WWC1: variants seen among roughly 807,000 people sequenced by gnomAD.
WWC1 encodes the protein protein KIBRA.
WWC1 carries 55 observed loss-of-function variants against 138.4 expected under a neutral mutation model. The ratio of observed to expected loss-of-function variants is 0.40; its 90% confidence interval spans 0.32 to 0.50. WWC1 has a LOEUF of 0.50. WWC1 is among the 20% of genes least tolerant of loss of function. WWC1 has a pLI of 0.72. For missense variants in WWC1, 1,226 were observed against 1,420.4 expected, an observed-to-expected ratio of 0.86 and a Z score of 2.20; for synonymous variants, 524 against 564.9, an observed-to-expected ratio of 0.93 and a Z score of 1.03.
At chr5:168,367,969 T>A (rs3083622) in intron 1 of WWC1, among the ~76,000 whole-genome samples, 13,395 of 142,266 alleles carry the variant, frequency 0.094, 621 homozygotes, top group Non-Finnish European at 0.11. Flanking sequence ...ACACACACAC[T>A]CTCTTCAGGC....
At chr5:168,293,726 A>T (rs772988277) in intron 1 of WWC1, among the ~76,000 whole-genome samples, 13 of 152,190 alleles carry the variant, frequency 8.5e-5, no homozygotes, top group Non-Finnish European at 1.6e-4. Flanking sequence ...GAATATTGGG[A>T]TGCTTAAAAC....
At chr5:168,434,779 A>C (rs1782228428) in intron 15 of WWC1, among the ~76,000 whole-genome samples, 2 of 152,340 alleles carry the variant, frequency 1.3e-5, no homozygotes, top group Non-Finnish European at 1.5e-5. Context: ...AATGCCCTGC[A>C]TGGCATCACA....
At chr5:168,345,914 G>A (rs972445397) in intron 1 of WWC1, among the ~76,000 whole-genome samples, 1 of 152,150 alleles carries the variant, frequency 6.6e-6, no homozygotes, top group Non-Finnish European at 1.5e-5. Context: ...GCTTCTACTT[G>A]TACAATCTGT....
intron 20 of WWC1, among the ~76,000 whole-genome samples, chr5:168,462,932 C>T (rs1428939570): frequency 2.0e-5 from 3 of 152,228 alleles, no homozygotes; most frequent in Admixed American, 2.0e-4. Context: ...TGATCCTGCT[C>T]ATTTATAAGT....
chr5:168,360,483 G>T (rs1775802173), intron 1 of WWC1, among the ~76,000 whole-genome samples: 1 of 152,206 alleles, frequency 6.6e-6, no homozygotes, highest in Admixed American at 6.5e-5. Context: ...GGAGCATATG[G>T]TCCTGTGCCT....
intron 5 of WWC1, among the ~76,000 whole-genome samples, chr5:168,401,189 A>G (rs546353093): frequency 6.6e-6 from 1 of 152,138 alleles, no homozygotes; most frequent in Non-Finnish European, 1.5e-5. Context: ...GTTGTTATTA[A>G]CTACAGCATG....
intron 9 of WWC1, among the ~76,000 whole-genome samples, chr5:168,420,394 G>C (rs942215063): frequency 1.3e-5 from 2 of 152,094 alleles, no homozygotes; most frequent in Non-Finnish European, 2.9e-5. Context: ...TACTGGATTA[G>C]AGTCTGCCCT....
At chr5:168,382,054 C>T (rs1777678043) in intron 2 of WWC1, among the ~76,000 whole-genome samples, 1 of 151,928 alleles carries the variant, frequency 6.6e-6, no homozygotes, top group African/African-American at 2.4e-5. Flanking sequence ...TTTTAAGAAC[C>T]CTTACTGCAG....
chr5:168,360,672 G>A (rs1022456979), intron 1 of WWC1, among the ~76,000 whole-genome samples: 3 of 152,354 alleles, frequency 2.0e-5, no homozygotes, highest in Admixed American at 1.3e-4. Flanking sequence ...TTGCCCAAGG[G>A]CATCGTCAGG....
chr5:168,464,408 G>C (rs911561608), intron 20 of WWC1, among the ~76,000 whole-genome samples: 61 of 152,270 alleles, frequency 4.0e-4, no homozygotes, highest in African/African-American at 1.5e-3. Flanking sequence ...TGGAGCTTCA[G>C]CTTTACCACA....
chr5:168,331,248 A>C (rs2152767012), intron 1 of WWC1, among the ~76,000 whole-genome samples: 1 of 152,348 alleles, frequency 6.6e-6, no homozygotes, highest in East Asian at 1.9e-4. Context: ...GCATTCAGCA[A>C]GATTCAAAAC....
intron 1 of WWC1, among the ~76,000 whole-genome samples, chr5:168,328,814 C>T (rs1435844980): frequency 6.6e-6 from 1 of 152,154 alleles, no homozygotes; most frequent in African/African-American, 2.4e-5. Context: ...AGATTACAGG[C>T]ATGAGCCACC....
intron 1 of WWC1, among the ~76,000 whole-genome samples, chr5:168,340,005 CTTTCTTTCT>C (rs955969563): frequency 5.2e-5 from 5 of 96,602 alleles, no homozygotes; most frequent in Non-Finnish European, 1.3e-4. Flanking sequence ...CTCTTTCTCT[CTTTCTTTCT>C]TTTCTTTCTT....
At chr5:168,411,412 C>G (rs1425950521) in intron 8 of WWC1, among the ~76,000 whole-genome samples, 1 of 152,186 alleles carries the variant, frequency 6.6e-6, no homozygotes, top group African/African-American at 2.4e-5. Flanking sequence ...TCTGCCAACT[C>G]TGTGTGAATA....
chr5:168,415,798 T>TGTGTGTGTGG (rs1354077983), intron 9 of WWC1: 1 of 6,350 alleles, frequency 1.6e-4, no homozygotes. Flanking sequence ...TGTGTGTGTG[T>TGTGTGTGTGG]GGGGGGGGGG....
intron 1 of WWC1, among the ~76,000 whole-genome samples, chr5:168,309,074 G>A (rs1770822799): frequency 6.6e-6 from 1 of 152,078 alleles, no homozygotes. Flanking sequence ...AGTGTCACCA[G>A]GGGCCACACA....
chr5:168,339,808 TTC>T (rs59840788), intron 1 of WWC1, among the ~76,000 whole-genome samples: 51 of 86,024 alleles, frequency 5.9e-4, no homozygotes, highest in African/African-American at 2.1e-3. Context: ...CTTTTTGTTT[TTC>T]TTTCTTTCTT....
At chr5:168,330,480 T>G (rs145112133) in intron 1 of WWC1, among the ~76,000 whole-genome samples, 82 of 152,306 alleles carry the variant, frequency 5.4e-4, no homozygotes, top group African/African-American at 1.8e-3. Flanking sequence ...GATGATTAAT[T>G]GGCTCGTGTT....
rs148024608 is a variant in WWC1, at chr5:168,335,585, A to G, written c.120-35839A>G. Among the ~76,000 whole-genome samples the G allele has an allele frequency of 1.9e-3, 294 of 152,356 alleles. 2 individuals carry two copies. Among genetic ancestry groups the G allele is most frequent in the African/African-American group, 6.8e-3 (281 of 41,588 alleles). On this transcript the variant is annotated intron_variant, in intron 1 of 22. Transcript: ENST00000265293. ...ATTATGCTAATTAAACAGAAGAGGAATTAGGACTAAAGGAACTGAACTGAT... is the reference window on the plus strand; with the variant it reads ...ATTATGCTAATTAAACAGAAGAGGAGTTAGGACTAAAGGAACTGAACTGAT...
Sources: allele counts gnomAD v4.1 joint callset (sites outside exome capture counted in the v4.1 genomes callset), GRCh38; gene constraint gnomAD v4.1.1; transcripts MANE v1.5; gene names NCBI Gene and HGNC (gene_info 2026-07-23, HGNC 2026-07-21).